The following L3MBTL4 variants were observed in gnomAD, a reference collection of about 807,000 sequenced individuals.
L3MBTL4 encodes lethal(3)malignant brain tumor-like protein 4.
A neutral mutation model predicts 84.5 loss-of-function variants in L3MBTL4; 70 were observed. The observed-to-expected ratio is 0.83, with a 90% CI of 0.68 to 1.01. L3MBTL4 has a LOEUF of 1.01. Ranked by LOEUF, L3MBTL4 falls within the 50% of genes least tolerant of loss-of-function variation. L3MBTL4 has a pLI of 0.00. For synonymous variants in L3MBTL4, 274 were observed against 259.8 expected, an observed-to-expected ratio of 1.05 and a Z score of -0.52; for missense variants, 715 against 754.8, an observed-to-expected ratio of 0.95 and a Z score of 0.62.
chr18:6,116,613 C>T (rs1056494748), intron 14 of L3MBTL4, among the ~76,000 whole-genome samples: 1 of 152,048 alleles, frequency 6.6e-6, no homozygotes, highest in Non-Finnish European at 1.5e-5. Flanking sequence ...ATCCACCTGC[C>T]TCGGCTTCCC....
chr18:6,325,145 G>A (rs2051649108), intron 1 of L3MBTL4, among the ~76,000 whole-genome samples: 1 of 151,996 alleles, frequency 6.6e-6, no homozygotes, highest in South Asian at 2.1e-4. Context: ...TGACCCCAGG[G>A]CTCCAGCAAT....
At chr18:6,036,687 C>T (rs2145667965) in intron 16 of L3MBTL4, among the ~76,000 whole-genome samples, 1 of 152,220 alleles carries the variant, frequency 6.6e-6, no homozygotes, top group African/African-American at 2.4e-5. Context: ...TTTGTGATTA[C>T]TTATTGAAAA....
chr18:6,175,011 G>T (rs141500097), intron 12 of L3MBTL4, among the ~76,000 whole-genome samples: 1 of 151,790 alleles, frequency 6.6e-6, no homozygotes, highest in Non-Finnish European at 1.5e-5. Context: ...CAAAACCAAC[G>T]CAGAAAGGAT....
chr18:6,071,815 G>GAAAAAGAAAGAAAGGAAA (rs1231353188), intron 16 of L3MBTL4, among the ~76,000 whole-genome samples: 1 of 116,280 alleles, frequency 8.6e-6, no homozygotes, highest in Non-Finnish European at 1.8e-5. Context: ...AAGAAAGAAA[G>GAAAAAGAAAGAAAGGAAA]GAAAGAAAGA....
Position 5,954,762 on chromosome 18 carries a change from A to T in L3MBTL4, c.*1458T>A, listed in dbSNP as rs1481268435. ...ATCATTTAAAATATATTAAAATTTTAACATGGCAGAAGCAGGAATTTTACT... is the reference window on the plus strand; with the variant it reads ...ATCATTTAAAATATATTAAAATTTTTACATGGCAGAAGCAGGAATTTTACT... On this transcript the variant is annotated 3_prime_UTR_variant, in exon 19 of 19. Transcript: ENST00000317931. The T allele has an allele frequency of 6.6e-6, 1 of 152,228 alleles. No homozygotes were observed. Among genetic ancestry groups the T allele is most frequent in the Non-Finnish European group, 1.5e-5 (1 of 68,044 alleles). 9.4% of individuals were successfully genotyped at this position (152,228 alleles called of 1,614,324 possible). A position where few individuals can be genotyped will look rare whatever the true frequency, so the allele number is the denominator to read the frequency against.
At chr18:6,202,277 A>C (rs774545689) in intron 12 of L3MBTL4, among the ~76,000 whole-genome samples, 3 of 152,062 alleles carry the variant, frequency 2.0e-5, no homozygotes, top group South Asian at 4.1e-4. Context: ...AACTCTGTTA[A>C]ATTTGTTTAA....
chr18:6,339,962 A>G (rs1237063228), intron 1 of L3MBTL4, among the ~76,000 whole-genome samples: 1 of 152,058 alleles, frequency 6.6e-6, no homozygotes, highest in African/African-American at 2.4e-5. Flanking sequence ...CTCCAAGCCC[A>G]GAGAGCTTCA....
chr18:6,304,227 A>G (rs185367940), intron 3 of L3MBTL4, among the ~76,000 whole-genome samples: 1 of 152,322 alleles, frequency 6.6e-6, no homozygotes, highest in East Asian at 1.9e-4. Context: ...TAATTTGTAT[A>G]GTAACAAAAT....
At chr18:5,987,943 C>A (rs74432758) in intron 16 of L3MBTL4, among the ~76,000 whole-genome samples, 8,492 of 151,488 alleles carry the variant, frequency 0.056, 322 homozygotes, top group Non-Finnish European at 0.085. Context: ...TACTTAGATC[C>A]AGAGACGAAG....
At chr18:6,227,381 G>C (rs2046822419) in intron 10 of L3MBTL4, among the ~76,000 whole-genome samples, 1 of 152,176 alleles carries the variant, frequency 6.6e-6, no homozygotes, top group Non-Finnish European at 1.5e-5. Context: ...AACACATTCT[G>C]AGCCATGGAG....
At chr18:6,387,377 A>G (rs375351304) in intron 1 of L3MBTL4, among the ~76,000 whole-genome samples, 3 of 152,232 alleles carry the variant, frequency 2.0e-5, no homozygotes, top group Admixed American at 2.0e-4. Flanking sequence ...AGTTAGTTGT[A>G]TTAACAGACT....
intron 1 of L3MBTL4, among the ~76,000 whole-genome samples, chr18:6,343,048 A>G (rs1350939729): frequency 1.3e-5 from 2 of 152,228 alleles, no homozygotes; most frequent in Non-Finnish European, 2.9e-5. Context: ...TAACAATTAT[A>G]TATGCACCCA....
intron 7 of L3MBTL4, among the ~76,000 whole-genome samples, chr18:6,241,941 G>A (rs886664769): frequency 2.0e-5 from 3 of 152,142 alleles, no homozygotes; most frequent in South Asian, 2.1e-4. Flanking sequence ...GCACAGAAAC[G>A]CCTTCTCAAT....
chr18:6,186,076 A>C (rs1177115623), intron 12 of L3MBTL4, among the ~76,000 whole-genome samples: 1 of 151,536 alleles, frequency 6.6e-6, no homozygotes. Flanking sequence ...GCAGTGGTGC[A>C]GTCTCAGCTC....
chr18:6,257,834 C>T (rs867264858), intron 5 of L3MBTL4, among the ~76,000 whole-genome samples: 16 of 151,782 alleles, frequency 1.1e-4, no homozygotes, highest in African/African-American at 3.4e-4. Flanking sequence ...TTAGTAGAGA[C>T]GGGGTTTCTC....
intron 1 of L3MBTL4, among the ~76,000 whole-genome samples, chr18:6,331,386 T>C (rs1253103585): frequency 3.9e-5 from 6 of 152,140 alleles, no homozygotes; most frequent in Admixed American, 3.9e-4. Flanking sequence ...CAATTCCCCC[T>C]ACCCAGCAAT....
At chr18:6,025,030 A>C (rs1216652602) in intron 16 of L3MBTL4, 3 of 152,142 alleles carry the variant, frequency 2.0e-5, no homozygotes, top group Non-Finnish European at 4.4e-5. Flanking sequence ...ATGACTTCCC[A>C]TCAGCACCTC....
intron 12 of L3MBTL4, among the ~76,000 whole-genome samples, chr18:6,185,714 G>C (rs1434362786): frequency 6.6e-6 from 1 of 152,118 alleles, no homozygotes; most frequent in Non-Finnish European, 1.5e-5. Context: ...TTAAAAAGTG[G>C]AGCAATAAGA....
intron 16 of L3MBTL4, among the ~76,000 whole-genome samples, chr18:5,992,717 A>C (rs991279656): frequency 1.5e-4 from 23 of 151,436 alleles, no homozygotes; most frequent in African/African-American, 4.8e-4. Flanking sequence ...CTCCACCCCC[A>C]CTCTCTCCCT....
Sources: gnomAD v4.1 joint callset for allele counts (sites outside exome capture counted in the v4.1 genomes callset) on GRCh38, gnomAD v4.1.1 for gene constraint, MANE v1.5 for transcripts, NCBI Gene and HGNC (gene_info 2026-07-23, HGNC 2026-07-21) for gene names.